POLE: variants seen among roughly 807,000 people sequenced by gnomAD.
POLE encodes the protein DNA polymerase epsilon, catalytic subunit.
POLE carries 188 observed loss-of-function variants against 279.2 expected under a neutral mutation model. The ratio of observed to expected loss-of-function variants is 0.67; its 90% CI spans 0.60 to 0.76. The LOEUF (loss-of-function observed/expected upper bound fraction) is 0.76, where lower values mean the gene tolerates loss of function less well. Among genes scored for constraint, POLE ranks in the 30% least tolerant of loss-of-function variants. The pLI, the probability that POLE is intolerant of heterozygous loss-of-function variation, is 0.00. For synonymous variants in POLE, 1,214 were observed against 1,172.5 expected (o/e 1.04, Z -0.72); for missense variants, 2,703 against 3,016.7 (o/e 0.90, Z 2.44).
chr12:132,680,833 C>A (rs541847080), intron 2 of POLE, 146 bp from the exon 3 acceptor site: 2 of 678,688 alleles, frequency 2.9e-6, no homozygotes, highest in Admixed American at 2.6e-5. Context: ...ACACTACCAG[C>A]CTTATTCACA....
chr12:132,679,674 T>C (rs1446568603), intron 5 of POLE, 23 bp from the exon 6 acceptor site: 1 of 1,598,092 alleles, frequency 6.3e-7, no homozygotes, highest in African/African-American at 1.3e-5. Context: ...GAGATCACGC[T>C]CATTGGTTCA....
At chr12:132,648,768 C>A in intron 32 of POLE, 161 bp downstream of exon 32, 2 of 742,560 alleles carry the variant, frequency 2.7e-6, no homozygotes, top group Non-Finnish European at 4.3e-6. Context: ...CTCGCTCTGC[C>A]CCAGGCTCGG....
intron 1 of POLE, 81 bp downstream of exon 1, chr12:132,687,170 CCCG>C (rs1175719373): frequency 1.1e-6 from 1 of 870,924 alleles, no homozygotes; most frequent in Non-Finnish European, 1.5e-6. Flanking sequence ...GGGCCTCCCT[CCCG>C]CCTCGGCGGC....
At chr12:132,663,157 C>T (rs1208967932) in intron 23 of POLE, among the ~76,000 whole-genome samples, 2 of 152,206 alleles carry the variant, frequency 1.3e-5, no homozygotes, top group Non-Finnish European at 2.9e-5. Flanking sequence ...CTATTTGCTG[C>T]TGTGATGGCT....
At chr12:132,630,351 A>G (rs1433507609) in intron 45 of POLE, among the ~76,000 whole-genome samples, 1 of 152,212 alleles carries the variant, frequency 6.6e-6, no homozygotes, top group Non-Finnish European at 1.5e-5. Context: ...AGAAATATGG[A>G]CTTGGATCTA....
At chr12:132,663,391 T>G (rs1194624759) in intron 23 of POLE, among the ~76,000 whole-genome samples, 3 of 151,932 alleles carry the variant, frequency 2.0e-5, no homozygotes, top group Non-Finnish European at 4.4e-5. Flanking sequence ...GTGGGGAGGG[T>G]GTCGCACCTG....
intron 45 of POLE, among the ~76,000 whole-genome samples, chr12:132,627,299 TG>T (rs2041858276): frequency 6.6e-6 from 1 of 151,154 alleles, no homozygotes; most frequent in Admixed American, 6.6e-5. Context: ...AAAAAAGCTA[TG>T]TGATTTTTTT....
rs2138500504 is a variant in POLE at position 132,638,043 on chromosome 12, G to A, written c.5649C>T (p.Ala1883=). 12 of 1,614,008 alleles carry A rather than the reference G, an allele frequency of 7.4e-6. No individual in the cohort carries two copies. The highest frequency in any genetic ancestry group is 1.0e-5 in the Non-Finnish European group (12 of 1,179,950). The change falls in exon 41 of 49, where the codon GCC becomes GCT. Residue 1883 remains alanine, a synonymous_variant. Transcript: ENST00000320574. The part of the protein sequence containing the change: ...LCTKKRRVED[A]IAYVEYITSS... ...TGGTGATGTACTCCACGTAAGCGAT[G>A]GCATCTTCCACACGGCGCTTCTTTG...
At chr12:132,631,078 AAAGC>A (rs1415702732) in intron 45 of POLE, among the ~76,000 whole-genome samples, 2 of 152,254 alleles carry the variant, frequency 1.3e-5, no homozygotes, top group African/African-American at 4.8e-5. Flanking sequence ...CAGTGAATGA[AAAGC>A]AAGCTGTGGT....
intron 9 of POLE, 169 bp downstream of exon 9, chr12:132,676,377 C>G (rs916610768): frequency 1.4e-6 from 1 of 709,254 alleles, no homozygotes; most frequent in Non-Finnish European, 2.5e-6. Context: ...GATTCCCACT[C>G]GAAAGGGGAG....
chr12:132,651,256 A>C (rs1449997349), intron 29 of POLE: 1 of 152,160 alleles, frequency 6.6e-6, no homozygotes, highest in African/African-American at 2.4e-5. Flanking sequence ...GTTCATTGTA[A>C]CTGATGTGAA....
intron 8 of POLE, among the ~76,000 whole-genome samples, chr12:132,677,140 C>G (rs534929339): frequency 6.6e-6 from 1 of 152,326 alleles, no homozygotes; most frequent in African/African-American, 2.4e-5. Context: ...TGTCCAAATC[C>G]TGCCTAGCTC....
In POLE at chr12:132,639,945, A is replaced by AAAAAAC. The variant is rs2042107720; in HGVS notation, c.5379-653_5379-648dup. On this transcript the variant is annotated intron_variant, in intron 39 of 48. Coordinates refer to ENST00000320574, the MANE Select transcript of POLE (RefSeq NM_006231.4). This position sits in a 1 kb window ranked among gnomAD's most constrained non-coding sequence, Gnocchi z 4.7. ...CTGGGTGACAGAGTGAGACTGTCTC[A>AAAAAAC]AAAAACAAAAACAAAACAAAACAAA... is the stretch of plus-strand genomic sequence containing the variant. Among the ~76,000 whole-genome samples the AAAAAAC allele has an allele frequency of 7.1e-6, 1 of 140,116 alleles. No homozygotes were observed. Among genetic ancestry groups the AAAAAAC allele is most frequent in the South Asian group, 2.4e-4 (1 of 4,240 alleles). 91.9% of individuals were successfully genotyped at this position (140,116 alleles called of 152,430 possible). A position where few individuals can be genotyped will look rare whatever the true frequency, so the allele number is the denominator to read the frequency against.
At chr12:132,651,762 C>A (rs908214878) in intron 29 of POLE, among the ~76,000 whole-genome samples, 1 of 152,266 alleles carries the variant, frequency 6.6e-6, no homozygotes, top group Non-Finnish European at 1.5e-5. Context: ...CAGTGCCATG[C>A]TGTGAGCTGT....
Position 132,687,281 on chromosome 12 carries a change from TCCGCGCGCCG to T in POLE, c.25_34del (p.Arg9ThrfsTer42). 6.7e-7 allele frequency: 1 copy of T among 1,498,742 alleles called. No homozygotes were observed. The highest frequency in any genetic ancestry group is 8.9e-7 in the Non-Finnish European group (1 of 1,126,528). The allele number at this position is 1,498,742 out of a possible 1,614,324, so 92.8% of individuals were successfully genotyped here. A position where few individuals can be genotyped will look rare whatever the true frequency, so the allele number is the denominator to read the frequency against. On this transcript the variant is annotated frameshift_variant, in exon 1 of 49. Coordinates refer to ENST00000320574, the MANE Select transcript of POLE (RefSeq NM_006231.4). LOFTEE classifies it high-confidence loss of function. ...GCTGGCCTCGCCATCCGCGCCTGGGTCCGCGCGCCGCCGCCCGCCGCTCCTCAGAGACATG... is the reference window on the plus strand; with the variant it reads ...GCTGGCCTCGCCATCCGCGCCTGGGTCCGCCCGCCGCTCCTCAGAGACATG...
chr12:132,652,743 G>A (rs747808087), intron 29 of POLE, among the ~76,000 whole-genome samples: 2 of 152,082 alleles, frequency 1.3e-5, no homozygotes, highest in East Asian at 1.9e-4. Context: ...ACCAACTTCC[G>A]ACTAACAGGG....
chr12:132,667,680 G>C (rs766765195), intron 19 of POLE, 32 bp from the exon 20 acceptor site: 1 of 1,611,806 alleles, frequency 6.2e-7, no homozygotes, highest in Non-Finnish European at 8.5e-7. Flanking sequence ...AGAGCAGGTG[G>C]GTGAGATCTC....
chr12:132,641,191 A>G, intron 39 of POLE: 1 of 398,008 alleles, frequency 2.5e-6, no homozygotes, highest in Non-Finnish European at 5.1e-6. Flanking sequence ...AGCATGAACC[A>G]CCGCTGGTGG....
At chr12:132,648,639 G>C (rs1232482314) in intron 32 of POLE, 1 of 323,014 alleles carries the variant, frequency 3.1e-6, no homozygotes, top group African/African-American at 2.1e-5. Flanking sequence ...CAACCAAAGA[G>C]CCTACGGAGA....
Sources: allele counts gnomAD v4.1 joint callset (sites outside exome capture counted in the v4.1 genomes callset), GRCh38; gene constraint gnomAD v4.1.1; non-coding constraint Gnocchi (gnomAD v3.1); transcripts MANE v1.5; gene names NCBI Gene and HGNC (gene_info 2026-07-23, HGNC 2026-07-21).